The following ITPK1 variants were observed in gnomAD, a reference collection of about 807,000 sequenced individuals.
The protein encoded by ITPK1 is inositol 1,3,4-trisphosphate 5/6-kinase.
ITPK1 carries 21 observed loss-of-function variants against 45.3 expected under a neutral mutation model. That is an observed-to-expected ratio of 0.46 (90% CI 0.33 to 0.67). The LOEUF (loss-of-function observed/expected upper bound fraction) is 0.67. ITPK1 is among the 30% of genes least tolerant of loss of function. The probability of loss-of-function intolerance (pLI) is 0.02; values close to 1 mark genes in which losing one functional copy is unlikely to be tolerated. For synonymous variants in ITPK1, 258 were observed against 253.6 expected, an observed-to-expected ratio of 1.02 and a Z score of -0.16; for missense variants, 474 against 573.5, an observed-to-expected ratio of 0.83 and a Z score of 1.77.
chr14:92,970,919 G>T lies in ITPK1; in HGVS notation c.365-8070C>A, dbSNP rs527452152. Among the ~76,000 whole-genome samples, 667 of 152,302 alleles carry T rather than the reference G, an allele frequency of 4.4e-3. 3 individuals carry two copies. The highest frequency in any genetic ancestry group is 6.5e-3 in the Non-Finnish European group (441 of 68,010). On this transcript the variant is annotated intron_variant, in intron 5 of 10. Coordinates refer to ENST00000267615, the MANE Select transcript of ITPK1 (RefSeq NM_014216.6). ...CAAAGTGCTGGGATTACAGGCATGA[G>T]CCACCGGGCCAGCCTTACAGCATCT...
At chr14:93,064,059 G>A (rs550323934) in intron 3 of ITPK1, among the ~76,000 whole-genome samples, 1 of 152,270 alleles carries the variant, frequency 6.6e-6, no homozygotes, top group Non-Finnish European at 1.5e-5. Flanking sequence ...CAAGGTGGGT[G>A]GATCACGAGG....
At chr14:93,046,088 T>C (rs974999688) in intron 3 of ITPK1, among the ~76,000 whole-genome samples, 1 of 152,184 alleles carries the variant, frequency 6.6e-6, no homozygotes, top group Non-Finnish European at 1.5e-5. Flanking sequence ...GCTCTTTTCT[T>C]CTGCAAACCT....
chr14:92,993,424 G>C (rs1886892999), intron 5 of ITPK1, among the ~76,000 whole-genome samples: 1 of 152,158 alleles, frequency 6.6e-6, no homozygotes, highest in East Asian at 1.9e-4. Context: ...TGAAGAGGGA[G>C]GCCCCTGCCC....
chr14:93,021,886 C>T (rs2139868408), intron 3 of ITPK1, among the ~76,000 whole-genome samples: 1 of 152,200 alleles, frequency 6.6e-6, no homozygotes. Context: ...CTCTCTGACC[C>T]AATTCCCTGA....
At chr14:93,050,892 T>C (rs935269585) in intron 3 of ITPK1, among the ~76,000 whole-genome samples, 2 of 152,048 alleles carry the variant, frequency 1.3e-5, no homozygotes, top group Non-Finnish European at 2.9e-5. Context: ...GCGAGTCCAA[T>C]GCCCAGCTCT....
intron 5 of ITPK1, among the ~76,000 whole-genome samples, chr14:92,979,014 T>C (rs2139778015): frequency 6.6e-6 from 1 of 152,088 alleles, no homozygotes; most frequent in Non-Finnish European, 1.5e-5. Context: ...CGAAAGCAGC[T>C]GTGAGGGCTG....
At position 93,108,029 on chromosome 14, in the gene ITPK1, C is replaced by G. The variant is rs527856727; in HGVS notation, c.95+7040G>C. 1.4e-3 allele frequency among the ~76,000 whole-genome samples: 217 copies of G among 152,256 alleles called. 2 individuals are homozygous for G. The highest frequency in any genetic ancestry group is 4.9e-3 in the African/African-American group (204 of 41,548). ...TGAGTGGGGAGCACTCGGCTTGGAG[C>G]GAGGCAAGTTCCCCTCCCACATTTC... On this transcript the variant is annotated intron_variant, in intron 2 of 10. Transcript: ENST00000267615.
rs191616899 is a variant in ITPK1, at chr14:92,961,210, C to G, written c.504+1145G>C. On this transcript the variant is annotated intron_variant, in intron 7 of 10. Transcript: ENST00000267615. The stretch of plus-strand genomic sequence containing the variant: ...CCCAGCATACCCCAACATGTGCCCA[C>G]TGGGGAGACCCCAGGCAGTGCTGTG... 2.4e-3 allele frequency among the ~76,000 whole-genome samples: 365 copies of G among 152,358 alleles called. 4 individuals are homozygous for G. The highest frequency in any genetic ancestry group is 8.6e-3 in the African/African-American group (356 of 41,576).
In ITPK1 at chr14:92,938,861, C is replaced by T. The variant is rs561120020; in HGVS notation, c.*2700G>A. The T allele has an allele frequency of 9.3e-6, 4 of 428,108 alleles. No homozygotes were observed. The highest frequency in any genetic ancestry group is 1.7e-5 in the Non-Finnish European group (4 of 235,340). 26.5% of individuals were successfully genotyped at this position (428,108 alleles called of 1,614,324 possible). ...AAGCACTGTCAGGCAGAACTTGACCCACGGCCTCAGCCCCAGGGTGCTCAA... is the reference window on the plus strand; with the variant it reads ...AAGCACTGTCAGGCAGAACTTGACCTACGGCCTCAGCCCCAGGGTGCTCAA... On this transcript the variant is annotated 3_prime_UTR_variant, in exon 11 of 11. Coordinates refer to ENST00000267615, the MANE Select transcript of ITPK1 (RefSeq NM_014216.6).
At chr14:93,103,618 C>G (rs1387107655) in intron 2 of ITPK1, among the ~76,000 whole-genome samples, 1 of 152,114 alleles carries the variant, frequency 6.6e-6, no homozygotes, top group Non-Finnish European at 1.5e-5. Context: ...CAGCATACAG[C>G]AGGCACTCAG....
At position 92,938,746 on chromosome 14, in the gene ITPK1, G is replaced by A. The variant is rs1595065712; in HGVS notation, c.*2815C>T. 1.7e-6 allele frequency: 1 copy of A among 596,212 alleles called. No homozygotes were observed. The highest frequency in any genetic ancestry group is 3.0e-6 in the Non-Finnish European group (1 of 335,328). The allele number at this position is 596,212 out of a possible 1,614,324, so 36.9% of individuals were successfully genotyped here. A position where few individuals can be genotyped will look rare whatever the true frequency, so the allele number is the denominator to read the frequency against. On this transcript the variant is annotated 3_prime_UTR_variant, in exon 11 of 11. Coordinates refer to ENST00000267615, the MANE Select transcript of ITPK1 (RefSeq NM_014216.6). ...AAGGGCAAAGCACCAGTTCCAGGGTGGCCTCCCCTTGGCTCTTGGGGTGGG... is the reference window on the plus strand; with the variant it reads ...AAGGGCAAAGCACCAGTTCCAGGGTAGCCTCCCCTTGGCTCTTGGGGTGGG...
intron 5 of ITPK1, among the ~76,000 whole-genome samples, chr14:92,972,374 C>T (rs941603084): frequency 1.4e-4 from 21 of 152,084 alleles, no homozygotes; most frequent in Non-Finnish European, 2.5e-4. Flanking sequence ...GAGATTAGGA[C>T]GCAGACACAC....
intron 4 of ITPK1, among the ~76,000 whole-genome samples, chr14:93,001,499 C>A (rs1887355030): frequency 6.6e-6 from 1 of 152,124 alleles, no homozygotes; most frequent in African/African-American, 2.4e-5. Context: ...CTGAACCCAA[C>A]AGGATTCTAG....
intron 3 of ITPK1, among the ~76,000 whole-genome samples, chr14:93,020,667 C>A (rs1888420116): frequency 6.6e-6 from 1 of 152,180 alleles, no homozygotes; most frequent in African/African-American, 2.4e-5. Context: ...TGCTCCTGCG[C>A]TGGGGGCTGC....
rs1207173504 is a variant in ITPK1 at position 93,034,271 on chromosome 14, T to G, written c.121-17470A>C. On this transcript the variant is annotated intron_variant, in intron 3 of 10. Coordinates refer to ENST00000267615, the MANE Select transcript of ITPK1 (RefSeq NM_014216.6). The surrounding 1 kb of genome is among the most constrained non-coding windows in gnomAD (Gnocchi z 4.1). Reference sequence around the variant, plus strand: ...ATGGCAAACCACCCACCCCCAACACTCCCCCACCCCCTGTCGGAGCAGGAA... The same window carrying G: ...ATGGCAAACCACCCACCCCCAACACGCCCCCACCCCCTGTCGGAGCAGGAA... Among the ~76,000 whole-genome samples, 1 of 51,438 alleles carries G rather than the reference T, an allele frequency of 1.9e-5. No homozygotes were observed. The highest frequency in any genetic ancestry group is 7.8e-5 in the African/African-American group (1 of 12,760). 33.7% of individuals were successfully genotyped at this position (51,438 alleles called of 152,430 possible).
At chr14:92,954,286 C>T (rs796953594) in intron 8 of ITPK1, among the ~76,000 whole-genome samples, 5 of 152,286 alleles carry the variant, frequency 3.3e-5, no homozygotes, top group Non-Finnish European at 2.9e-5. Context: ...TCTCTATGTG[C>T]GGTCTGAACA....
chr14:93,011,491 G>A (rs901492331), intron 4 of ITPK1, among the ~76,000 whole-genome samples: 2 of 152,214 alleles, frequency 1.3e-5, no homozygotes, highest in Admixed American at 6.5e-5. Flanking sequence ...AACCAGTGTG[G>A]CCAAGTGTGC....
chr14:92,995,626 G>A (rs568532339), intron 4 of ITPK1, among the ~76,000 whole-genome samples: 2 of 152,114 alleles, frequency 1.3e-5, no homozygotes, highest in African/African-American at 2.4e-5. Context: ...CAGTCCTCAC[G>A]CCTGTGACTC....
chr14:92,944,919 A>G (rs1477923339), intron 10 of ITPK1, among the ~76,000 whole-genome samples: 1 of 152,138 alleles, frequency 6.6e-6, no homozygotes, highest in Non-Finnish European at 1.5e-5. Flanking sequence ...CCCGACTCCC[A>G]GGGAGAGCTC....
Sources: gnomAD v4.1 joint callset for allele counts (sites outside exome capture counted in the v4.1 genomes callset) on GRCh38, gnomAD v4.1.1 for gene constraint, Gnocchi (gnomAD v3.1) non-coding constraint, MANE v1.5 for transcripts, NCBI Gene and HGNC (gene_info 2026-07-23, HGNC 2026-07-21) for gene names.